ATG7: variants seen among roughly 807,000 people sequenced by gnomAD.
ATG7 encodes ubiquitin-like modifier-activating enzyme ATG7.
ATG7 carries 70 observed loss-of-function variants against 82.4 expected under a neutral mutation model. The observed-to-expected ratio is 0.85, with a 90% CI of 0.70 to 1.04. ATG7 has a LOEUF of 1.04. Ranked by LOEUF, ATG7 falls within the 50% of genes least tolerant of loss-of-function variation. The pLI, the probability that ATG7 is intolerant of heterozygous loss-of-function variation, is 0.00. For missense variants in ATG7, 792 were observed against 864.3 expected, an observed-to-expected ratio of 0.92 and a Z score of 1.05; for synonymous variants, 287 against 313.0, an observed-to-expected ratio of 0.92 and a Z score of 0.88.
At chr3:11,355,935 C>T (rs2075903006) in intron 14 of ATG7, among the ~76,000 whole-genome samples, 2 of 152,114 alleles carry the variant, frequency 1.3e-5, no homozygotes, top group Admixed American at 6.5e-5. Context: ...CCCAAATCAC[C>T]ATCAACAAGA....
intron 3 of ATG7, among the ~76,000 whole-genome samples, chr3:11,286,059 T>C (rs184847587): frequency 6.6e-6 from 1 of 152,348 alleles, no homozygotes; most frequent in Non-Finnish European, 1.5e-5. Context: ...TTATCTGATG[T>C]TTCCTCCCAT....
At chr3:11,422,740 C>CTTT (rs557755646) in intron 19 of ATG7, among the ~76,000 whole-genome samples, 1,036 of 49,534 alleles carry the variant, frequency 0.021, 245 homozygotes, top group East Asian at 0.034. Context: ...TCATTTCTAG[C>CTTT]TTTTTTTTTT....
At position 11,406,940 on chromosome 3, in the gene ATG7, G is replaced by A. The variant is rs544990707; in HGVS notation, c.1957-19864G>A. Among the ~76,000 whole-genome samples, 51 of 152,182 alleles carry A rather than the reference G, an allele frequency of 3.4e-4. No individual in the cohort carries two copies. In the East Asian group the frequency reaches 6.2e-3, roughly 18 times the overall value. ...AGCCAAACCATATCATTCTGGCCCC[G>A]TCCCTCTCAAATTTCGTATCTTCAC... On this transcript the variant is annotated intron_variant, in intron 19 of 20. Transcript: ENST00000693202.
At chr3:11,457,271 G>C (rs2085829993) in intron 20 of ATG7, among the ~76,000 whole-genome samples, 1 of 152,138 alleles carries the variant, frequency 6.6e-6, no homozygotes, top group African/African-American at 2.4e-5. Context: ...GGGAAGATCT[G>C]TACTAGGTGG....
At chr3:11,450,505 C>T (rs1236775898) in intron 20 of ATG7, among the ~76,000 whole-genome samples, 1 of 152,168 alleles carries the variant, frequency 6.6e-6, no homozygotes, top group Non-Finnish European at 1.5e-5. Flanking sequence ...AGCAAGGTCA[C>T]AAGAGATCAA....
chr3:11,420,492 A>G (rs1325397047), intron 19 of ATG7, among the ~76,000 whole-genome samples: 5 of 152,122 alleles, frequency 3.3e-5, no homozygotes, highest in Non-Finnish European at 7.4e-5. Flanking sequence ...TCCAATTTTT[A>G]TTCAAAGATG....
chr3:11,274,258 G>A (rs71316461), intron 1 of ATG7, among the ~76,000 whole-genome samples: 1,882 of 152,242 alleles, frequency 0.012, 19 homozygotes, highest in Non-Finnish European at 0.02. Context: ...GCTGCAAGCT[G>A]GGAATACAAA....
chr3:11,328,148 C>G (rs150038692), intron 9 of ATG7, among the ~76,000 whole-genome samples: 1,929 of 152,328 alleles, frequency 0.013, 21 homozygotes, highest in Non-Finnish European at 0.02. Flanking sequence ...ACTGGAGATT[C>G]TGAGTCTATC....
At chr3:11,294,017 C>CAAA (rs148344958) in intron 3 of ATG7, among the ~76,000 whole-genome samples, 1 of 98,442 alleles carries the variant, frequency 1.0e-5, no homozygotes, top group African/African-American at 4.0e-5. Flanking sequence ...GACTCCGTCT[C>CAAA]AAAAAAAAAA....
chr3:11,339,936 C>A (rs538058459), intron 11 of ATG7, among the ~76,000 whole-genome samples: 4 of 152,262 alleles, frequency 2.6e-5, no homozygotes, highest in Admixed American at 6.5e-5. Context: ...AGAAGCATTT[C>A]CAAAGTCTGT....
chr3:11,311,476 C>T lies in ATG7; in HGVS notation c.412-1828C>T, dbSNP rs563343908. Among the ~76,000 whole-genome samples the T allele has an allele frequency of 5.9e-5, 9 of 151,990 alleles. 1 individual carries two copies. In the South Asian group the frequency reaches 1.7e-3, roughly 28 times the overall value. ...AAAAAAAATTAGCTGTGCATGGCAG[C>T]CTGTAGTCCCAACTACTCGGGAGGC... is the stretch of plus-strand genomic sequence containing the variant. On this transcript the variant is annotated intron_variant, in intron 7 of 20. Coordinates refer to ENST00000693202, the MANE Select transcript of ATG7 (RefSeq NM_001349232.2).
chr3:11,573,023 G>A, the ATG7 span, among the ~76,000 whole-genome samples: 1 of 151,750 alleles, frequency 6.6e-6, no homozygotes, highest in Non-Finnish European at 1.5e-5. Flanking sequence ...AAAATTAGCT[G>A]GGCTTGGTGG....
chr3:11,503,764 A>C (rs2091513803), intron 20 of ATG7, among the ~76,000 whole-genome samples: 1 of 149,564 alleles, frequency 6.7e-6, no homozygotes, highest in African/African-American at 2.5e-5. Flanking sequence ...TCAAAAAAAA[A>C]AAAAAAAAAA....
At chr3:11,552,176 CTTATT>C (rs2071867397) in intron 20 of ATG7, among the ~76,000 whole-genome samples, 1 of 152,152 alleles carries the variant, frequency 6.6e-6, no homozygotes, top group African/African-American at 2.4e-5. Flanking sequence ...TATCTTAGCA[CTTATT>C]TTATTGGGGT....
chr3:11,536,868 G>A (rs1441004749), intron 20 of ATG7, among the ~76,000 whole-genome samples: 1 of 152,168 alleles, frequency 6.6e-6, no homozygotes, highest in African/African-American at 2.4e-5. Flanking sequence ...GCAAGATCAT[G>A]TCCAGCTCTG....
chr3:11,380,610 C>CA (rs1468945643), intron 19 of ATG7, among the ~76,000 whole-genome samples: 1 of 152,130 alleles, frequency 6.6e-6, no homozygotes, highest in African/African-American at 2.4e-5. Flanking sequence ...ACAGTGATGG[C>CA]ATCTCGTGTT....
intron 20 of ATG7, among the ~76,000 whole-genome samples, chr3:11,537,997 G>A (rs763355302): frequency 3.5e-5 from 4 of 115,804 alleles, no homozygotes; most frequent in Non-Finnish European, 6.7e-5. Context: ...TGTAGAAGAG[G>A]CCAGGGAAAG....
At chr3:11,359,653 G>A (rs377320474) in intron 15 of ATG7, among the ~76,000 whole-genome samples, 6 of 151,996 alleles carry the variant, frequency 3.9e-5, no homozygotes, top group Non-Finnish European at 5.9e-5. Flanking sequence ...CCGAGATCAC[G>A]CCATTGCATT....
At position 11,442,742 on chromosome 3, in the gene ATG7, A is replaced by C. The variant is rs1448076901; in HGVS notation, c.2079+15816A>C. On this transcript the variant is annotated intron_variant, in intron 20 of 20. Coordinates refer to ENST00000693202, the MANE Select transcript of ATG7 (RefSeq NM_001349232.2). ...GCATAGTGAGACTCCATCTCTACAA[A>C]AAAAAAAAAAAAAAAAAAAAAAAAA... Among the ~76,000 whole-genome samples the C allele has an allele frequency of 1.5e-3, 187 of 122,870 alleles. 5 individuals are homozygous for C. Among genetic ancestry groups the C allele is most frequent in the South Asian group, 3.5e-3 (14 of 4,000 alleles). 80.6% of individuals were successfully genotyped at this position (122,870 alleles called of 152,430 possible). A position where few individuals can be genotyped will look rare whatever the true frequency, so the allele number is the denominator to read the frequency against.
Sources: gnomAD v4.1 joint callset for allele counts (sites outside exome capture counted in the v4.1 genomes callset) on GRCh38, gnomAD v4.1.1 for gene constraint, MANE v1.5 for transcripts, NCBI Gene and HGNC (gene_info 2026-07-23, HGNC 2026-07-21) for gene names.